Variants in MTHFD2L observed in about 807,000 individuals in gnomAD.
The protein encoded by MTHFD2L is methylenetetrahydrofolate dehydrogenase (NADP+ dependent) 2 like.
MTHFD2L carries 29 observed loss-of-function variants against 34.9 expected under a neutral mutation model. The ratio of observed to expected loss-of-function variants is 0.83; its 90% CI spans 0.62 to 1.13. The LOEUF (loss-of-function observed/expected upper bound fraction) is 1.13, where lower values mean the gene tolerates loss of function less well. MTHFD2L is among the 50% of genes most tolerant of loss of function. The pLI is 0.00. For synonymous variants in MTHFD2L, 167 were observed against 155.7 expected (o/e 1.07, Z -0.54); for missense variants, 481 against 446.5 (o/e 1.08, Z -0.70).
chr4:74,136,760 TGGCATAAAAACA>T (rs1405670886), intron 1 of MTHFD2L, among the ~76,000 whole-genome samples: 1 of 152,132 alleles, frequency 6.6e-6, no homozygotes, highest in Admixed American at 6.6e-5. Context: ...AGTATGGTAC[TGGCATAAAAACA>T]GACAGATAAA....
chr4:74,139,768 T>C (rs144999881), intron 1 of MTHFD2L, among the ~76,000 whole-genome samples: 1 of 152,346 alleles, frequency 6.6e-6, no homozygotes, highest in East Asian at 1.9e-4. Flanking sequence ...AATTTTGACA[T>C]GTTCTCTTTT....
intron 1 of MTHFD2L, among the ~76,000 whole-genome samples, chr4:74,144,514 G>C (rs953296936): frequency 6.6e-6 from 1 of 152,084 alleles, no homozygotes; most frequent in African/African-American, 2.4e-5. Context: ...TATTAGTGGT[G>C]CTGGGTAATT....
chr4:74,260,197 G>A (rs1744510430), intron 6 of MTHFD2L, among the ~76,000 whole-genome samples: 1 of 152,174 alleles, frequency 6.6e-6, no homozygotes, highest in African/African-American at 2.4e-5. Context: ...GCCACTCTAT[G>A]TCTGTTTTAC....
intron 7 of MTHFD2L, 28 bp downstream of exon 7, chr4:74,281,578 G>A: frequency 6.4e-7 from 1 of 1,574,676 alleles, no homozygotes; most frequent in East Asian, 2.3e-5. Context: ...TTTGATAGGT[G>A]AAGAAGATAA....
intron 3 of MTHFD2L, 98 bp from the exon 4 acceptor site, chr4:74,199,696 A>T (rs1314273824): frequency 1.9e-6 from 2 of 1,041,474 alleles, no homozygotes; most frequent in Non-Finnish European, 2.7e-6. Flanking sequence ...TTTAGAGCCG[A>T]ATTATAAGTG....
intron 1 of MTHFD2L, among the ~76,000 whole-genome samples, chr4:74,137,978 A>G (rs1723046750): frequency 6.6e-6 from 1 of 152,154 alleles, no homozygotes; most frequent in African/African-American, 2.4e-5. Flanking sequence ...GAAATAAGAG[A>G]GGGGGGAAAA....
chr4:74,292,762 A>G (rs1342109494), intron 7 of MTHFD2L, among the ~76,000 whole-genome samples: 4 of 152,194 alleles, frequency 2.6e-5, no homozygotes, highest in Non-Finnish European at 5.9e-5. Flanking sequence ...AGCTGACAGC[A>G]TCCATGGTCA....
chr4:74,249,436 A>G (rs10014580), intron 6 of MTHFD2L, among the ~76,000 whole-genome samples: 149,293 of 152,146 alleles, frequency 0.98, 73,280 homozygotes, highest in Middle Eastern at 1. Flanking sequence ...TCTTTATCCA[A>G]TTTGCCAGTC....
intron 1 of MTHFD2L, among the ~76,000 whole-genome samples, chr4:74,137,304 A>G (rs961768030): frequency 1.3e-5 from 2 of 152,208 alleles, no homozygotes; most frequent in African/African-American, 4.8e-5. Context: ...AATGGACAAC[A>G]TGTCTGAATA....
intron 6 of MTHFD2L, among the ~76,000 whole-genome samples, chr4:74,255,691 A>G (rs1743939784): frequency 6.6e-6 from 1 of 152,022 alleles, no homozygotes; most frequent in Admixed American, 6.6e-5. Context: ...TGCCATCTTT[A>G]TGTTCATGAT....
At chr4:74,210,507 T>G (rs1736120880) in intron 5 of MTHFD2L, among the ~76,000 whole-genome samples, 1 of 152,138 alleles carries the variant, frequency 6.6e-6, no homozygotes, top group Admixed American at 6.6e-5. Context: ...GTTGTAGATG[T>G]GTGGTGGTAT....
At chr4:74,300,440 T>C (rs1750158653) in intron 7 of MTHFD2L, among the ~76,000 whole-genome samples, 1 of 152,044 alleles carries the variant, frequency 6.6e-6, no homozygotes, top group Non-Finnish European at 1.5e-5. Context: ...ACTAAAGATA[T>C]AGACAACATC....
At chr4:74,114,998 C>T (rs1057135354) in intron 2 of MTHFD2L, among the ~76,000 whole-genome samples, 1 of 152,200 alleles carries the variant, frequency 6.6e-6, no homozygotes, top group African/African-American at 2.4e-5. Flanking sequence ...CTTCTGTGCT[C>T]TTTCACCTTG....
chr4:74,152,391 T>C (rs186333328), intron 1 of MTHFD2L, among the ~76,000 whole-genome samples: 6 of 152,254 alleles, frequency 3.9e-5, no homozygotes, highest in African/African-American at 1.4e-4. Flanking sequence ...ATAATTTATA[T>C]AAATATCAGG....
intron 6 of MTHFD2L, among the ~76,000 whole-genome samples, chr4:74,233,812 T>C (rs1456223225): frequency 6.6e-6 from 1 of 152,024 alleles, no homozygotes; most frequent in Non-Finnish European, 1.5e-5. Flanking sequence ...CTCCTCAACT[T>C]GTTCTAATTA....
intron 6 of MTHFD2L, among the ~76,000 whole-genome samples, chr4:74,273,368 A>G (rs893379326): frequency 6.6e-6 from 1 of 152,198 alleles, no homozygotes; most frequent in African/African-American, 2.4e-5. Context: ...GATAAAGGCC[A>G]TTAAGTTTGT....
intron 6 of MTHFD2L, among the ~76,000 whole-genome samples, chr4:74,258,199 A>G (rs1268754024): frequency 6.6e-6 from 1 of 152,172 alleles, no homozygotes. Context: ...AAATAGAACT[A>G]CCATATTAAC....
intron 2 of MTHFD2L, among the ~76,000 whole-genome samples, chr4:74,115,962 T>G (rs1307819278): frequency 6.6e-6 from 1 of 152,150 alleles, no homozygotes; most frequent in East Asian, 1.9e-4. Flanking sequence ...GGAAAAAATA[T>G]AAAGTATTTG....
At chr4:74,201,429 C>T (rs920970078) in intron 5 of MTHFD2L, 59 bp downstream of exon 5, 1 of 1,240,190 alleles carries the variant, frequency 8.1e-7, no homozygotes. Context: ...CTTACATCAT[C>T]AAGTAAACAC....
Sources: gnomAD v4.1 joint callset for allele counts (sites outside exome capture counted in the v4.1 genomes callset) on GRCh38, gnomAD v4.1.1 for gene constraint, MANE v1.5 for transcripts, NCBI Gene and HGNC (gene_info 2026-07-23, HGNC 2026-07-21) for gene names.